Variants in NAV3 observed in about 807,000 individuals in gnomAD.
NAV3 encodes neuron navigator 3.
NAV3 carries 87 observed loss-of-function variants against 244.7 expected under a neutral mutation model. The ratio of observed to expected loss-of-function variants is 0.36; its 90% CI spans 0.30 to 0.42. The LOEUF (loss-of-function observed/expected upper bound fraction) is 0.42. Among genes scored for constraint, NAV3 ranks in the 20% least tolerant of loss-of-function variants. The probability of loss-of-function intolerance (pLI) is 1.00; values close to 1 mark genes in which losing one functional copy is unlikely to be tolerated. For missense variants in NAV3, 2,663 were observed against 2,893.3 expected (o/e 0.92, Z 1.83); for synonymous variants, 1,126 against 1,042.2 (o/e 1.08, Z -1.55).
At chr12:77,826,052 C>T (rs1384710307), upstream of NAV3, among the ~76,000 whole-genome samples, 1 of 152,104 alleles carries the variant, frequency 6.6e-6, no homozygotes, top group Non-Finnish European at 1.5e-5. Flanking sequence ...TGTGGAGCAA[C>T]TGGACCTCTC....
At chr12:78,132,194 T>C (rs1284274602) in intron 18 of NAV3, among the ~76,000 whole-genome samples, 1 of 151,232 alleles carries the variant, frequency 6.6e-6, no homozygotes, top group Non-Finnish European at 1.5e-5. Context: ...TTTTATTACA[T>C]AGTTTTCAGA....
chr12:78,202,093 C>A (rs79953109), intron 38 of NAV3, among the ~76,000 whole-genome samples: 12,466 of 151,486 alleles, frequency 0.082, 661 homozygotes, highest in Non-Finnish European at 0.13. Context: ...GCCAATCTAC[C>A]CCAAGCAGAA....
At chr12:77,785,546 C>T (rs139045972) in intron 2 of NAV3, among the ~76,000 whole-genome samples, 35 of 152,164 alleles carry the variant, frequency 2.3e-4, no homozygotes, top group African/African-American at 8.4e-4. Context: ...AGATTAATTC[C>T]AGTACTGATA....
intron 20 of NAV3, among the ~76,000 whole-genome samples, chr12:78,142,290 A>C (rs1158148192): frequency 1.3e-5 from 2 of 152,068 alleles, no homozygotes; most frequent in African/African-American, 4.8e-5. Context: ...CCTCAAGAAA[A>C]GGATCATGAG....
At chr12:77,961,425 T>C (rs1891972288) in intron 3 of NAV3, among the ~76,000 whole-genome samples, 2 of 126,246 alleles carry the variant, frequency 1.6e-5, no homozygotes. Context: ...CTATATTATG[T>C]ATATACATAT....
intron 2 of NAV3, among the ~76,000 whole-genome samples, chr12:77,650,327 G>A (rs980644914): frequency 8.5e-5 from 13 of 152,118 alleles, no homozygotes; most frequent in Admixed American, 8.5e-4. Context: ...GGAGGAGAGG[G>A]TGAATCAAGA....
chr12:77,667,167 TCAGA>T (rs1873752154), intron 2 of NAV3, among the ~76,000 whole-genome samples: 1 of 152,300 alleles, frequency 6.6e-6, no homozygotes, highest in East Asian at 1.9e-4. Context: ...CAGCTCCTGC[TCAGA>T]CAGACAGAGT....
intron 1 of NAV3, among the ~76,000 whole-genome samples, chr12:77,909,870 G>A (rs1280570476): frequency 6.6e-6 from 1 of 151,830 alleles, no homozygotes; most frequent in African/African-American, 2.4e-5. Flanking sequence ...TCTAAAAATG[G>A]GTTTCATATA....
chr12:77,865,798 C>T (rs372344600), intron 1 of NAV3, among the ~76,000 whole-genome samples: 4 of 149,152 alleles, frequency 2.7e-5, no homozygotes, highest in Non-Finnish European at 4.5e-5. Flanking sequence ...CGTATATATG[C>T]GTGTGTGTGT....
intron 8 of NAV3, 127 bp downstream of exon 8, chr12:78,007,572 G>T: frequency 9.8e-7 from 1 of 1,017,256 alleles, no homozygotes; most frequent in East Asian, 2.6e-5. Context: ...TCATGCTAAA[G>T]ATAGAGGCCT....
At chr12:78,037,097 C>T (rs1880021425) in intron 9 of NAV3, 1 of 702,890 alleles carries the variant, frequency 1.4e-6, no homozygotes, top group Admixed American at 2.0e-5. Context: ...CTGTGCAGTC[C>T]CTGTATCACA....
chr12:77,580,372 T>G (rs1033583024), intron 2 of NAV3, among the ~76,000 whole-genome samples: 32 of 152,128 alleles, frequency 2.1e-4, no homozygotes, highest in African/African-American at 7.2e-4. Context: ...AGCTGCATCT[T>G]AGTGGTTCAT....
chr12:77,952,080 A>AC lies in NAV3; in HGVS notation c.414+10947_414+10948insC, dbSNP rs572065807. Among the ~76,000 whole-genome samples, 209 of 151,788 alleles carry AC rather than the reference A, an allele frequency of 1.4e-3. 2 individuals are homozygous for AC. The highest frequency in any genetic ancestry group is 2.4e-3 in the Non-Finnish European group (164 of 67,898). ...CTTAAAGTATAATTAAAAAAAAAAA[A>AC]AAAACAGGTTGTTTGTTTTCTTGTT... On this transcript the variant is annotated intron_variant, in intron 3 of 39. Transcript: ENST00000397909.
At chr12:78,151,016 T>C (rs1957062754) in intron 22 of NAV3, among the ~76,000 whole-genome samples, 1 of 151,820 alleles carries the variant, frequency 6.6e-6, no homozygotes, top group Non-Finnish European at 1.5e-5. Context: ...AGAGCACAAT[T>C]AGGGAAAAGA....
At chr12:77,659,614 A>G (rs1464959988) in intron 2 of NAV3, among the ~76,000 whole-genome samples, 1 of 152,204 alleles carries the variant, frequency 6.6e-6, no homozygotes, top group African/African-American at 2.4e-5. Flanking sequence ...TACTGGGTAT[A>G]TACCCAAAGG....
chr12:77,610,367 G>C (rs1177780659), intron 2 of NAV3, among the ~76,000 whole-genome samples: 2 of 152,058 alleles, frequency 1.3e-5, no homozygotes, highest in Non-Finnish European at 2.9e-5. Context: ...CTCTTTGTCA[G>C]GTATCTGTGT....
At chr12:77,717,004 T>C (rs1420238369) in intron 2 of NAV3, among the ~76,000 whole-genome samples, 2 of 152,060 alleles carry the variant, frequency 1.3e-5, no homozygotes, top group Non-Finnish European at 2.9e-5. Context: ...AAACCAATCA[T>C]GCTTTGCAGC....
chr12:77,779,124 A>G (rs1592675930), intron 2 of NAV3, among the ~76,000 whole-genome samples: 1 of 152,228 alleles, frequency 6.6e-6, no homozygotes, highest in Non-Finnish European at 1.5e-5. Context: ...GCAATCTGTC[A>G]TATTTCTTGT....
rs145129936 is a variant in NAV3 at position 77,803,129 on chromosome 12, T to C, written c.73-137190T>C. On this transcript the variant is annotated intron_variant, in intron 2 of 8. Transcript: ENST00000550042. ...TATACTTTATATTCTGGGATACATG[T>C]GCAGAACGTGCATGTTTGTTACATA... Among the ~76,000 whole-genome samples, 36 of 152,348 alleles carry C rather than the reference T, an allele frequency of 2.4e-4. No homozygotes were observed. The East Asian group carries it at 6.4e-3, about 27-fold the overall frequency.
Sources: gnomAD v4.1 joint callset for allele counts (sites outside exome capture counted in the v4.1 genomes callset) on GRCh38, gnomAD v4.1.1 for gene constraint, MANE v1.5 for transcripts, NCBI Gene and HGNC (gene_info 2026-07-23, HGNC 2026-07-21) for gene names.